PTPN13: variants seen among roughly 807,000 people sequenced by gnomAD.
The protein encoded by PTPN13 is protein tyrosine phosphatase non-receptor type 13.
Under a neutral mutation model 284.0 loss-of-function variants are expected in PTPN13, and 191 were observed. That is an observed-to-expected ratio of 0.67 (90% confidence interval 0.60 to 0.76). The LOEUF (loss-of-function observed/expected upper bound fraction) is 0.76. PTPN13 is among the 30% of genes least tolerant of loss of function. The pLI is 0.00. For missense variants in PTPN13, 2,797 were observed against 2,939.9 expected (o/e 0.95, Z 1.12); for synonymous variants, 986 against 1,022.3 (o/e 0.96, Z 0.68).
intron 42 of PTPN13, 78 bp downstream of exon 42, chr4:86,799,282 G>A (rs1022531944): frequency 4.6e-6 from 4 of 865,154 alleles, no homozygotes; most frequent in Admixed American, 3.2e-5. Context: ...CAGACTATAT[G>A]GATATGCTGT....
chr4:86,734,917 T>C, intron 14 of PTPN13, 42 bp downstream of exon 14: 2 of 1,589,234 alleles, frequency 1.3e-6, no homozygotes, highest in Non-Finnish European at 1.7e-6. Context: ...TTGTTTGGTG[T>C]TGTTACCTTT....
chr4:86,594,767 G>A lies in PTPN13; in HGVS notation c.-28G>A, dbSNP rs1763437197. On this transcript the variant is annotated 5_prime_UTR_variant, in exon 1 of 48. Coordinates refer to ENST00000411767, the MANE Select transcript of PTPN13 (RefSeq NM_080683.3). ...GCCCTCGCCCGGCGCTCCAGTAGCA[G>A]GACCCGGTCTCGGGACCAGCCGGTA... is the stretch of plus-strand genomic sequence containing the variant. The A allele has an allele frequency of 6.6e-6, 1 of 152,306 alleles. No homozygotes were observed. The highest frequency in any genetic ancestry group is 2.4e-5 in the African/African-American group (1 of 41,470). 9.4% of individuals were successfully genotyped at this position (152,306 alleles called of 1,614,324 possible). A position where few individuals can be genotyped will look rare whatever the true frequency, so the allele number is the denominator to read the frequency against.
chr4:86,773,380 A>G (rs1008465642), intron 32 of PTPN13, among the ~76,000 whole-genome samples: 1 of 152,004 alleles, frequency 6.6e-6, no homozygotes, highest in Non-Finnish European at 1.5e-5. Flanking sequence ...TGAGTTACCT[A>G]TTTGATTTTT....
intron 5 of PTPN13, among the ~76,000 whole-genome samples, chr4:86,692,313 TTAACTGA>T (rs1371959389): frequency 6.6e-6 from 1 of 152,210 alleles, no homozygotes; most frequent in Non-Finnish European, 1.5e-5. Flanking sequence ...TTTATGCAAC[TTAACTGA>T]TAACATGATT....
intron 46 of PTPN13, 85 bp downstream of exon 46, chr4:86,810,069 A>G (rs1251866904): frequency 1.8e-6 from 2 of 1,088,996 alleles, no homozygotes; most frequent in Non-Finnish European, 2.6e-6. Context: ...TGATCTTGGG[A>G]TATTTTAACT....
intron 6 of PTPN13, among the ~76,000 whole-genome samples, chr4:86,699,094 A>G (rs1730865321): frequency 6.6e-6 from 1 of 152,158 alleles, no homozygotes; most frequent in Non-Finnish European, 1.5e-5. Context: ...TGGCAAAGAA[A>G]AGAGTAGACA....
chr4:86,764,672 T>C lies in PTPN13; in HGVS notation c.4097T>C (p.Ile1366Thr), dbSNP rs751390561. The C allele has an allele frequency of 1.2e-6, 2 of 1,606,694 alleles. No individual in the cohort carries two copies. The highest frequency in any genetic ancestry group is 1.7e-6 in the Non-Finnish European group (2 of 1,177,632). The change falls in exon 25 of 48, where the codon ATC becomes ACC. Residue 1366 changes from isoleucine to threonine, a missense_variant. Coordinates refer to ENST00000411767, the MANE Select transcript of PTPN13 (RefSeq NM_080683.3). Reference protein sequence around the residue: ...FSSSPPKPGDIFEVELAKNDN... With the variant: ...FSSSPPKPGDTFEVELAKNDN... ...TCATCACCTCCTAAGCCTGGAGATA[T>C]CTTTGAGGTTGAACTGGCTAAAAAT...
intron 35 of PTPN13, among the ~76,000 whole-genome samples, chr4:86,779,561 G>A (rs1385706679): frequency 6.6e-6 from 1 of 152,098 alleles, no homozygotes; most frequent in Non-Finnish European, 1.5e-5. Flanking sequence ...TTTTTGTTGG[G>A]GGAGAGAAGT....
intron 10 of PTPN13, among the ~76,000 whole-genome samples, chr4:86,728,668 T>TTTTTTTTTTTTTTTC (rs1734590378): frequency 8.6e-6 from 1 of 115,734 alleles, no homozygotes; most frequent in Non-Finnish European, 1.9e-5. Context: ...TTTTTTTTTT[T>TTTTTTTTTTTTTTTC]TTTTTTTTTG....
chr4:86,710,933 G>GTT (rs199701033), intron 7 of PTPN13, among the ~76,000 whole-genome samples: 3 of 149,604 alleles, frequency 2.0e-5, no homozygotes, highest in Admixed American at 6.7e-5. Flanking sequence ...TTGTTTTTTG[G>GTT]TTTTTTTTTG....
At chr4:86,599,631 GTA>G (rs1764120129) in intron 1 of PTPN13, among the ~76,000 whole-genome samples, 1 of 152,052 alleles carries the variant, frequency 6.6e-6, no homozygotes, top group Non-Finnish European at 1.5e-5. Flanking sequence ...TGAAATTTGT[GTA>G]TGTTTCTTAT....
chr4:86,779,096 CAG>C (rs1740991711), intron 35 of PTPN13, among the ~76,000 whole-genome samples: 1 of 147,374 alleles, frequency 6.8e-6, no homozygotes, highest in Non-Finnish European at 1.5e-5. Flanking sequence ...CAAAGAAAAA[CAG>C]AGATAATATT....
At chr4:86,638,560 C>G (rs1167417447) in intron 2 of PTPN13, among the ~76,000 whole-genome samples, 1 of 152,072 alleles carries the variant, frequency 6.6e-6, no homozygotes, top group African/African-American at 2.4e-5. Context: ...ACAAACCTGA[C>G]AAAAACAAGC....
rs1303028460 is a variant in PTPN13 at position 86,772,735 on chromosome 4, T to C, written c.5169-43T>C. 6.0e-6 allele frequency: 9 copies of C among 1,487,640 alleles called. No homozygotes were observed. The African/African-American group carries it at 8.5e-5, about 14-fold the overall frequency. 92.2% of individuals were successfully genotyped at this position (1,487,640 alleles called of 1,614,324 possible). A position where few individuals can be genotyped will look rare whatever the true frequency, so the allele number is the denominator to read the frequency against. Reference sequence around the variant, plus strand: ...CTGGCACAAACTAACCATATTGACATTGAAATGTATTTAAAAATAGTCTTA... The same window carrying C: ...CTGGCACAAACTAACCATATTGACACTGAAATGTATTTAAAAATAGTCTTA... On this transcript the variant is annotated intron_variant, in intron 31 of 47. Coordinates refer to ENST00000411767, the MANE Select transcript of PTPN13 (RefSeq NM_080683.3).
chr4:86,791,390 A>T (rs1394762751), intron 40 of PTPN13, among the ~76,000 whole-genome samples: 1 of 152,304 alleles, frequency 6.6e-6, no homozygotes, highest in Non-Finnish European at 1.5e-5. Context: ...AGCAAGGCCT[A>T]CTGCCTCTCT....
At chr4:86,742,283 C>T (rs562925159) in intron 16 of PTPN13, among the ~76,000 whole-genome samples, 26 of 152,156 alleles carry the variant, frequency 1.7e-4, no homozygotes, top group African/African-American at 4.8e-5. Context: ...CAGGACTTTC[C>T]GCAATTTTAG....
chr4:86,694,579 CAAAAAAAAAAAAA>C (rs1000226646), intron 6 of PTPN13, among the ~76,000 whole-genome samples: 25 of 32,330 alleles, frequency 7.7e-4, no homozygotes, highest in Middle Eastern at 0.019. Context: ...ACTTCTGTCT[CAAAAAAAAAAAAA>C]AAAAAAAAAA....
rs1246290088 is a variant in PTPN13, at chr4:86,809,914, C to T, written c.7229C>T (p.Ala2410Val). The T allele has an allele frequency of 1.9e-6, 3 of 1,614,000 alleles. No homozygotes were observed. In the South Asian group the frequency reaches 3.3e-5, roughly 18 times the overall value. Residue 2410 changes from alanine (A) to valine (V), a missense_variant, in exon 46 of 48, where the codon GCT (alanine) becomes GTT (valine). Transcript: ENST00000411767. The part of the protein sequence containing the change: ...RSGPIITHCS[A>V]GIGRSGTLIC... The stretch of plus-strand genomic sequence containing the variant: ...GGCCCAATCATTACGCACTGCAGTG[C>T]TGGCATTGGACGTTCAGGGACCCTG...
chr4:86,773,837 C>T (rs181021458), intron 32 of PTPN13, among the ~76,000 whole-genome samples: 3 of 151,798 alleles, frequency 2.0e-5, no homozygotes, highest in Non-Finnish European at 4.4e-5. Flanking sequence ...AAACAACCTC[C>T]GTGTCTCATT....
Sources: gnomAD v4.1 joint callset for allele counts (sites outside exome capture counted in the v4.1 genomes callset) on GRCh38, gnomAD v4.1.1 for gene constraint, MANE v1.5 for transcripts, NCBI Gene and HGNC (gene_info 2026-07-23, HGNC 2026-07-21) for gene names.